FKBP4: variants seen among roughly 807,000 people sequenced by gnomAD.
The protein encoded by FKBP4 is FKBP prolyl isomerase 4.
In FKBP4, 28 loss-of-function variants were observed where a neutral mutation model predicts 54.1. The ratio of observed to expected loss-of-function variants is 0.52; its 90% CI spans 0.38 to 0.71. The LOEUF is 0.71. FKBP4 is among the 30% of genes least tolerant of loss of function. The pLI is 0.00. For synonymous variants in FKBP4, 223 were observed against 216.1 expected, an observed-to-expected ratio of 1.03 and a Z score of -0.28; for missense variants, 493 against 574.4, an observed-to-expected ratio of 0.86 and a Z score of 1.45.
At chr12:2,801,986 C>G (rs748005491) in intron 9 of FKBP4, among the ~76,000 whole-genome samples, 1 of 152,090 alleles carries the variant, frequency 6.6e-6, no homozygotes, top group Non-Finnish European at 1.5e-5. Context: ...TTGGCGCATA[C>G]TATGCTTTTT....
At position 2,798,883 on chromosome 12, in the gene FKBP4, G is replaced by C; in HGVS notation, c.514+57G>C. 6.3e-7 allele frequency: 1 copy of C among 1,585,066 alleles called. No homozygotes were observed. The highest frequency in any genetic ancestry group is 8.7e-7 in the Non-Finnish European group (1 of 1,155,268). On this transcript the variant is annotated intron_variant, in intron 4 of 9. Coordinates refer to ENST00000001008, the MANE Select transcript of FKBP4 (RefSeq NM_002014.4). This position sits in a 1 kb window ranked among gnomAD's most constrained non-coding sequence, Gnocchi z 4.3. The stretch of plus-strand genomic sequence containing the variant: ...CATTCTGATATTTAGGCCTTGTGTG[G>C]CTTTGGGCAAGACACTTCCGTTCTC...
In FKBP4 at chr12:2,795,850, A is replaced by AATT; in HGVS notation, c.105+606_105+607insATT. On this transcript the variant is annotated intron_variant, in intron 1 of 9. Transcript: ENST00000001008. This position sits in a 1 kb window ranked among gnomAD's most constrained non-coding sequence, Gnocchi z 4.3. ...CCCCTGCCGACGCCGGGACCCAGCGAGGTCCCCACTCGCCGCGCGGCGCCC... is the reference window on the plus strand; with the variant it reads ...CCCCTGCCGACGCCGGGACCCAGCGAATTGGTCCCCACTCGCCGCGCGGCGCCC... The AATT allele has an allele frequency of 1.6e-6, 1 of 616,806 alleles. No homozygotes were observed. Among genetic ancestry groups the AATT allele is most frequent in the Non-Finnish European group, 2.0e-6 (1 of 491,664 alleles). 38.2% of individuals were successfully genotyped at this position (616,806 alleles called of 1,614,324 possible). A position where few individuals can be genotyped will look rare whatever the true frequency, so the allele number is the denominator to read the frequency against.
chr12:2,801,184 A>G lies in FKBP4; in HGVS notation c.1100A>G (p.Asn367Ser), dbSNP rs1213032311. The change falls in exon 9 of 10, where the codon AAT becomes AGT. Residue 367 changes from asparagine (N) to serine (S), a missense_variant. Transcript: ENST00000001008. ...FRRGEAHLAV[N>S]DFELARADFQ... Reference sequence around the variant, plus strand: ...CGGGGAGAGGCCCACCTGGCCGTGAATGACTTTGAACTGGCACGGGCTGAT... The same window carrying G: ...CGGGGAGAGGCCCACCTGGCCGTGAGTGACTTTGAACTGGCACGGGCTGAT... 6.2e-7 allele frequency: 1 copy of G among 1,613,596 alleles called. No homozygotes were observed. Among genetic ancestry groups the G allele is most frequent in the South Asian group, 1.1e-5 (1 of 91,054 alleles).
In FKBP4 at chr12:2,805,373, G is replaced by C; in HGVS notation, c.*2115G>C. On this transcript the variant is annotated 3_prime_UTR_variant, in exon 10 of 10. Transcript: ENST00000001008. ...GTAACCGTGGAACATCTAGAGATAA[G>C]TCTTAGTTTATGTAACATTAAAACT... The C allele has an allele frequency of 3.0e-6, 1 of 330,612 alleles. No individual in the cohort carries two copies. Among genetic ancestry groups the C allele is most frequent in the South Asian group, 2.4e-5 (1 of 41,774 alleles). The allele number at this position is 330,612 out of a possible 1,614,324, so 20.5% of individuals were successfully genotyped here.
At position 2,797,737 on chromosome 12, in the gene FKBP4, A is replaced by G; in HGVS notation, c.259A>G (p.Ile87Val). ...FSFDLGKGEV[I>V]KAWDIAIATM... is the part of the protein sequence containing the mutation. ...TGCTTCTGTACCTGCAGGGGAGGTC[A>G]TCAAGGCTTGGGACATTGCCATAGC... The change falls in exon 3 of 10, where the codon ATC (isoleucine) becomes GTC (valine). Residue 87 changes from isoleucine to valine, a missense_variant. By Grantham distance (29) the Ile-to-Val change is conservative. Coordinates refer to ENST00000001008, the MANE Select transcript of FKBP4 (RefSeq NM_002014.4). The G allele has an allele frequency of 6.2e-7, 1 of 1,612,824 alleles. No homozygotes were observed. Among genetic ancestry groups the G allele is most frequent in the Non-Finnish European group, 8.5e-7 (1 of 1,179,076 alleles).
rs757758013 is a variant in FKBP4, at chr12:2,797,175, T to C, written c.143T>C (p.Met48Thr). ...KREGTGTEMPMIGDRVFVHYT... is the reference protein window; with the variant it reads ...KREGTGTEMPTIGDRVFVHYT... ...GAGGGCACAGGTACAGAGATGCCCA[T>C]GATTGGGGACCGAGTCTTTGTCCAC... The change falls in exon 2 of 10, where the codon ATG becomes ACG. Residue 48 changes from methionine to threonine, a missense_variant. Transcript: ENST00000001008. 1.2e-6 allele frequency: 2 copies of C among 1,613,442 alleles called. No homozygotes were observed. Among genetic ancestry groups the C allele is most frequent in the East Asian group, 4.5e-5 (2 of 44,866 alleles).
chr12:2,798,615 A>G lies in FKBP4; in HGVS notation c.394-91A>G. The G allele has an allele frequency of 6.3e-7, 1 of 1,593,534 alleles. No individual in the cohort carries two copies. The highest frequency in any genetic ancestry group is 1.1e-5 in the South Asian group (1 of 88,386). On this transcript the variant is annotated intron_variant, in intron 3 of 9. Coordinates refer to ENST00000001008, the MANE Select transcript of FKBP4 (RefSeq NM_002014.4). The surrounding 1 kb of genome is among the most constrained non-coding windows in gnomAD (Gnocchi z 4.3). ...CCCTTGTGGTCAGATCCGGCCTGGC[A>G]GTTAGTAGGGACTCTCTCGGATGAG...
intron 9 of FKBP4, among the ~76,000 whole-genome samples, chr12:2,802,265 G>A (rs1343294598): frequency 6.6e-6 from 1 of 152,164 alleles, no homozygotes; most frequent in African/African-American, 2.4e-5. Flanking sequence ...GGCCTCCCGA[G>A]TAGCTGGGAT....
rs2097900970 is a variant in FKBP4, at chr12:2,795,222, A to G, written c.83A>G (p.Lys28Arg). Reference protein sequence around the residue: ...LPMEGVDISPKQDEGVLKVIK... With the variant: ...LPMEGVDISPRQDEGVLKVIK... ...ATGGAGGGAGTGGACATCAGCCCCA[A>G]ACAGGACGAAGGCGTGCTGAAGGTG... Residue 28 changes from lysine to arginine, a missense_variant, in exon 1 of 10, where the codon AAA (lysine) becomes AGA (arginine). Transcript: ENST00000001008. The surrounding 1 kb of genome is among the most constrained non-coding windows in gnomAD (Gnocchi z 4.3). The G allele has an allele frequency of 6.7e-6, 9 of 1,334,450 alleles. No individual in the cohort carries two copies. The South Asian group carries it at 1.0e-4, about 15-fold the overall frequency. The allele number at this position is 1,334,450 out of a possible 1,614,324, so 82.7% of individuals were successfully genotyped here.
At chr12:2,800,816 T>C (rs1274978593) in intron 8 of FKBP4, among the ~76,000 whole-genome samples, 2 of 151,894 alleles carry the variant, frequency 1.3e-5, no homozygotes, top group East Asian at 3.9e-4. Flanking sequence ...ACATAAAGAG[T>C]TTTCTTCCAC....
In FKBP4 at chr12:2,796,200, G is replaced by A. The variant is rs1484476679; in HGVS notation, c.106-938G>A. 3.1e-6 allele frequency: 4 copies of A among 1,286,726 alleles called. No individual in the cohort carries two copies. In the Admixed American group the frequency reaches 9.3e-5, roughly 30 times the overall value. 79.7% of individuals were successfully genotyped at this position (1,286,726 alleles called of 1,614,324 possible). A position where few individuals can be genotyped will look rare whatever the true frequency, so the allele number is the denominator to read the frequency against. ...TCCTGGCTTCCCACCGCTGAGCTCC[G>A]CGTGTGCGGCACCCACCTCAGGGGG... On this transcript the variant is annotated intron_variant, in intron 1 of 9. Coordinates refer to ENST00000001008, the MANE Select transcript of FKBP4 (RefSeq NM_002014.4).
intron 9 of FKBP4, chr12:2,801,788 TTAAA>T (rs1021132888): frequency 2.9e-5 from 10 of 340,324 alleles, no homozygotes; most frequent in Non-Finnish European, 5.9e-5. Flanking sequence ...TTGTGTGTGA[TTAAA>T]TAAATAATAC....
chr12:2,802,816 C>T (rs2097905588), intron 9 of FKBP4, among the ~76,000 whole-genome samples: 1 of 152,222 alleles, frequency 6.6e-6, no homozygotes, highest in Admixed American at 6.5e-5. Context: ...TAACCTCTGC[C>T]TCCAGGGCTC....
At chr12:2,796,276 C>T (rs1243377739) in intron 1 of FKBP4, 4 of 1,289,114 alleles carry the variant, frequency 3.1e-6, no homozygotes, top group Non-Finnish European at 4.0e-6. Flanking sequence ...TTATTGGGGA[C>T]CTCAAGCGTC....
chr12:2,796,011 G>A, intron 1 of FKBP4: 1 of 1,152,816 alleles, frequency 8.7e-7, no homozygotes. Context: ...GCCTGCCGCC[G>A]AGTGACCGCT....
chr12:2,800,638 G>T, intron 8 of FKBP4, 61 bp downstream of exon 8: 1 of 1,495,864 alleles, frequency 6.7e-7, no homozygotes, highest in South Asian at 1.3e-5. Context: ...TGAGCTGCCA[G>T]CATGTCTGAA....
In FKBP4 at chr12:2,798,015, G is replaced by T. The variant is rs970126197; in HGVS notation, c.393+144G>T. ...GCCTTATGGGAGGAGAAATGCAGAGGGCTCTGCTGCTGCTAGTAATGGAAG... is the reference window on the plus strand; with the variant it reads ...GCCTTATGGGAGGAGAAATGCAGAGTGCTCTGCTGCTGCTAGTAATGGAAG... On this transcript the variant is annotated intron_variant, in intron 3 of 9. Coordinates refer to ENST00000001008, the MANE Select transcript of FKBP4 (RefSeq NM_002014.4). The surrounding 1 kb of genome is among the most constrained non-coding windows in gnomAD (Gnocchi z 4.3). 40 of 1,007,286 alleles carry T rather than the reference G, an allele frequency of 4.0e-5. No individual in the cohort carries two copies. The highest frequency in any genetic ancestry group is 7.5e-5 in the Admixed American group (3 of 39,774). The allele number at this position is 1,007,286 out of a possible 1,614,324, so 62.4% of individuals were successfully genotyped here.
rs983729392 is a variant in FKBP4 at position 2,805,383 on chromosome 12, A to G, written c.*2125A>G. 1.2e-5 allele frequency: 4 copies of G among 323,042 alleles called. No individual in the cohort carries two copies. The highest frequency in any genetic ancestry group is 6.6e-5 in the African/African-American group (3 of 45,624). 20.0% of individuals were successfully genotyped at this position (323,042 alleles called of 1,614,324 possible). A position where few individuals can be genotyped will look rare whatever the true frequency, so the allele number is the denominator to read the frequency against. On this transcript the variant is annotated 3_prime_UTR_variant, in exon 10 of 10. Coordinates refer to ENST00000001008, the MANE Select transcript of FKBP4 (RefSeq NM_002014.4). ...AACATCTAGAGATAAGTCTTAGTTT[A>G]TGTAACATTAAAACTGTCTAGTGAG...
rs1452008150 is a variant in FKBP4, at chr12:2,798,689, C to A, written c.394-17C>A. On this transcript the variant is annotated splice_polypyrimidine_tract_variant and intron_variant, in intron 3 of 9. Coordinates refer to ENST00000001008, the MANE Select transcript of FKBP4 (RefSeq NM_002014.4). The surrounding 1 kb of genome is among the most constrained non-coding windows in gnomAD (Gnocchi z 4.3). Reference sequence around the variant, plus strand: ...GAGTTAGCATGGGAAGGAATTGTGTCACATCTTGTCCCACAGGTGGAGTTG... The same window carrying A: ...GAGTTAGCATGGGAAGGAATTGTGTAACATCTTGTCCCACAGGTGGAGTTG... 3 of 1,612,860 alleles carry A rather than the reference C, an allele frequency of 1.9e-6. No individual in the cohort carries two copies. Among genetic ancestry groups the A allele is most frequent in the South Asian group, 1.1e-5 (1 of 91,002 alleles).
Sources: allele counts gnomAD v4.1 joint callset (sites outside exome capture counted in the v4.1 genomes callset), GRCh38; gene constraint gnomAD v4.1.1; non-coding constraint Gnocchi (gnomAD v3.1); transcripts MANE v1.5; gene names NCBI Gene and HGNC (gene_info 2026-07-23, HGNC 2026-07-21).